GSN: variants seen among roughly 807,000 people sequenced by gnomAD.
The protein encoded by GSN is gelsolin, also known as actin-depolymerizing factor.
In GSN, 56 loss-of-function variants were observed where a neutral mutation model predicts 85.7. The observed-to-expected ratio is 0.65, with a 90% confidence interval of 0.53 to 0.82. GSN has a LOEUF of 0.82. Ranked by LOEUF, GSN falls within the 40% of genes least tolerant of loss-of-function variation. The pLI is 0.00. For missense variants in GSN, 857 were observed against 979.8 expected (o/e 0.87, Z 1.67); for synonymous variants, 373 against 399.1 (o/e 0.93, Z 0.78).
At chr9:121,224,370 A>AT (rs2054232755) in intron 4 of GSN, among the ~76,000 whole-genome samples, 1 of 152,188 alleles carries the variant, frequency 6.6e-6, no homozygotes, top group Non-Finnish European at 1.5e-5. Context: ...AAGTGCTGGG[A>AT]TTACAGGCGT....
chr9:121,318,571 C>T lies in GSN; in HGVS notation c.975+77C>T. On this transcript the variant is annotated intron_variant, in intron 9 of 17. Coordinates refer to ENST00000432226, the MANE Select transcript of GSN (RefSeq NM_198252.3). The surrounding 1 kb of genome is among the most constrained non-coding windows in gnomAD (Gnocchi z 4.3). ...GGATGGGCTGGAGTAGGGCGGGTGT[C>T]CCACCCTCAGTGTGGATGGGGTATC... is the stretch of plus-strand genomic sequence containing the variant. 6.8e-7 allele frequency: 1 copy of T among 1,467,926 alleles called. No homozygotes were observed. The highest frequency in any genetic ancestry group is 1.7e-5 in the Admixed American group (1 of 59,632). The allele number at this position is 1,467,926 out of a possible 1,614,324, so 90.9% of individuals were successfully genotyped here. A position where few individuals can be genotyped will look rare whatever the true frequency, so the allele number is the denominator to read the frequency against.
rs10818526 is a variant in GSN, at chr9:121,312,687, G to C, written c.663+199G>C. Reference sequence around the variant, plus strand: ...TTGTTGCCTGAGCTGGAGTGCAGGGGCGCCATCACAGCTCACTGCAGCCTT... The same window carrying C: ...TTGTTGCCTGAGCTGGAGTGCAGGGCCGCCATCACAGCTCACTGCAGCCTT... On this transcript the variant is annotated intron_variant, in intron 6 of 17. Transcript: ENST00000432226. 0.35 allele frequency: 169,526 copies of C among 481,002 alleles called. 31,631 individuals are homozygous for C. Among genetic ancestry groups the C allele is most frequent in the African/African-American group, 0.55 (27,741 of 50,456 alleles). The allele number at this position is 481,002 out of a possible 1,614,324, so 29.8% of individuals were successfully genotyped here. A position where few individuals can be genotyped will look rare whatever the true frequency, so the allele number is the denominator to read the frequency against.
chr9:121,217,039 T>C lies in GSN; in HGVS notation c.-528+6172T>C, dbSNP rs780002800. Among the ~76,000 whole-genome samples, 7 of 152,324 alleles carry C rather than the reference T, an allele frequency of 4.6e-5. 1 individual carries two copies. The highest frequency in any genetic ancestry group is 4.1e-4 in the South Asian group (2 of 4,824). On this transcript the variant is annotated intron_variant, in intron 4 of 24. Transcript: ENST00000373823. Reference sequence around the variant, plus strand: ...CTTTATTTAGATTTTTAAAGTATTTTTCTAACTTAAGGAGATTTCTTTTTT... The same window carrying C: ...CTTTATTTAGATTTTTAAAGTATTTCTCTAACTTAAGGAGATTTCTTTTTT...
At chr9:121,245,297 A>G (rs2054677705) in intron 5 of GSN, among the ~76,000 whole-genome samples, 1 of 152,220 alleles carries the variant, frequency 6.6e-6, no homozygotes, top group Non-Finnish European at 1.5e-5. Flanking sequence ...TTGAGCAAAA[A>G]GTCTATAGTC....
chr9:121,286,263 C>A, intron 2 of GSN: 1 of 926,616 alleles, frequency 1.1e-6, no homozygotes, highest in Non-Finnish European at 1.7e-6. Flanking sequence ...GGGAAAGTCC[C>A]GCTCCTGACT....
intron 6 of GSN, among the ~76,000 whole-genome samples, chr9:121,257,360 A>G (rs2054986445): frequency 6.6e-6 from 1 of 152,254 alleles, no homozygotes; most frequent in Non-Finnish European, 1.5e-5. Context: ...AAGGCACTAT[A>G]ATTTCCAGTT....
intron 4 of GSN, among the ~76,000 whole-genome samples, chr9:121,220,128 C>T (rs961554261): frequency 6.6e-6 from 1 of 152,244 alleles, no homozygotes; most frequent in Non-Finnish European, 1.5e-5. Flanking sequence ...GGTGATCCGC[C>T]CACCTCAGCC....
At position 121,314,000 on chromosome 9, in the gene GSN, C is replaced by T. The variant is rs188214536; in HGVS notation, c.730C>T (p.Arg244Cys). 22 of 1,613,918 alleles carry T rather than the reference C, an allele frequency of 1.4e-5. No homozygotes were observed. Among genetic ancestry groups the T allele is most frequent in the East Asian group, 1.1e-4 (5 of 44,882 alleles). The part of the protein sequence containing the change: ...EDTAKEDAAN[R>C]KLAKLYKVSN... ...CACCGCCAAGGAGGATGCGGCCAAC[C>T]GCAAGCTGGCCAAGCTCTACAAGGT... Residue 244 changes from arginine to cysteine, a missense_variant, in exon 7 of 18, where the codon CGC becomes TGC. By Grantham distance (180) the Arg-to-Cys change is radical. Transcript: ENST00000432226.
chr9:121,307,033 T>C (rs1435360986), intron 4 of GSN, among the ~76,000 whole-genome samples: 3 of 152,038 alleles, frequency 2.0e-5, no homozygotes, highest in Admixed American at 1.3e-4. Flanking sequence ...ATACAAAAAT[T>C]AGCCGGGCGT....
At chr9:121,324,777 CCAT>C in intron 12 of GSN, 133 bp downstream of exon 12, 1 of 678,766 alleles carries the variant, frequency 1.5e-6, no homozygotes. Flanking sequence ...ATCCATCCAT[CCAT>C]CCATCCATCC....
chr9:121,229,287 C>CT (rs1386725598), intron 4 of GSN, among the ~76,000 whole-genome samples: 1 of 152,202 alleles, frequency 6.6e-6, no homozygotes, highest in Non-Finnish European at 1.5e-5. Flanking sequence ...GTGGCGCAGT[C>CT]TCAGCTCACT....
Position 121,299,271 on chromosome 9 carries a change from G to C in GSN, c.-9-2692G>C. On this transcript the variant is annotated intron_variant, in intron 2 of 17. Transcript: ENST00000432226. The surrounding 1 kb of genome is among the most constrained non-coding windows in gnomAD (Gnocchi z 4.2). ...AGTCCTGCCGGCTTCACCTGCCCAC[G>C]GGAGCCGGGTCCCCTGCCCTGCTGC... 8 of 984,968 alleles carry C rather than the reference G, an allele frequency of 8.1e-6. No individual in the cohort carries two copies. Among genetic ancestry groups the C allele is most frequent in the Non-Finnish European group, 9.6e-6 (8 of 829,476 alleles). 61.0% of individuals were successfully genotyped at this position (984,968 alleles called of 1,614,324 possible). A position where few individuals can be genotyped will look rare whatever the true frequency, so the allele number is the denominator to read the frequency against.
the GSN span, chr9:121,201,888 G>A: frequency 6.6e-6 from 1 of 152,618 alleles, no homozygotes; most frequent in Admixed American, 6.5e-5. Flanking sequence ...TCCCTGCACA[G>A]GGTTTCCTGT....
chr9:121,323,216 T>C (rs2062708210), intron 11 of GSN, among the ~76,000 whole-genome samples: 2 of 152,158 alleles, frequency 1.3e-5, no homozygotes, highest in Non-Finnish European at 2.9e-5. Context: ...AGTTCTCATA[T>C]ATCCATTACC....
At chr9:121,306,384 G>A (rs967074533) in intron 4 of GSN, among the ~76,000 whole-genome samples, 2 of 152,106 alleles carry the variant, frequency 1.3e-5, no homozygotes, top group Non-Finnish European at 2.9e-5. Flanking sequence ...AATCTTCATT[G>A]CTTCTTTTCC....
intron 2 of GSN, among the ~76,000 whole-genome samples, chr9:121,293,401 G>A (rs1275403379): frequency 9.7e-6 from 1 of 102,634 alleles, no homozygotes; most frequent in African/African-American, 4.0e-5. Flanking sequence ...ACCAGCATTT[G>A]TCTTTCCATT....
chr9:121,212,010 A>G lies in GSN; in HGVS notation c.-528+1143A>G, dbSNP rs7048807. Among the ~76,000 whole-genome samples, 578 of 152,246 alleles carry G rather than the reference A, an allele frequency of 3.8e-3. 3 individuals carry two copies. Among genetic ancestry groups the G allele is most frequent in the African/African-American group, 0.013 (541 of 41,542 alleles). ...ACCATGCATTCATTCATCAATGACT[A>G]ATGATTGAGCTCAAACCTGGGCTCC... On this transcript the variant is annotated intron_variant, in intron 4 of 24. Coordinates refer to the GSN transcript ENST00000373823.
chr9:121,329,555 A>G lies in GSN; in HGVS notation c.1965+240A>G, dbSNP rs900819177. Among the ~76,000 whole-genome samples, 2 of 152,242 alleles carry G rather than the reference A, an allele frequency of 1.3e-5. No individual in the cohort carries two copies. The highest frequency in any genetic ancestry group is 4.8e-5 in the African/African-American group (2 of 41,466). On this transcript the variant is annotated intron_variant, in intron 16 of 17. Coordinates refer to ENST00000432226, the MANE Select transcript of GSN (RefSeq NM_198252.3). The surrounding 1 kb of genome is among the most constrained non-coding windows in gnomAD (Gnocchi z 4.6). Reference sequence around the variant, plus strand: ...CACCTTGAAAGCTGCAAAACGCCCTATAAAGGCAAATCACATGACCTTCAT... The same window carrying G: ...CACCTTGAAAGCTGCAAAACGCCCTGTAAAGGCAAATCACATGACCTTCAT...
At chr9:121,309,318 G>C (rs1485836702) in intron 4 of GSN, 1 of 152,244 alleles carries the variant, frequency 6.6e-6, no homozygotes, top group Non-Finnish European at 1.5e-5. Flanking sequence ...CTGCAGCAGG[G>C]AAGCTCTCCT....
Sources: allele counts gnomAD v4.1 joint callset (sites outside exome capture counted in the v4.1 genomes callset), GRCh38; gene constraint gnomAD v4.1.1; non-coding constraint Gnocchi (gnomAD v3.1); transcripts MANE v1.5; gene names NCBI Gene and HGNC (gene_info 2026-07-23, HGNC 2026-07-21).